The following ITPKB variants were observed in gnomAD, a reference collection of about 807,000 sequenced individuals.
ITPKB encodes the protein inositol-trisphosphate 3-kinase B.
A neutral mutation model predicts 69.4 loss-of-function variants in ITPKB; 13 were observed. That is an observed-to-expected ratio of 0.19 (90% CI 0.12 to 0.30). The LOEUF is 0.30. ITPKB is among the 10% of genes least tolerant of loss of function. The probability of loss-of-function intolerance (pLI) is 1.00; values close to 1 mark genes in which losing one functional copy is unlikely to be tolerated. For synonymous variants in ITPKB, 584 were observed against 513.7 expected (o/e 1.14, Z -1.85); for missense variants, 1,240 against 1,250.5 (o/e 0.99, Z 0.13).
rs1286420489 is a variant in ITPKB at position 226,737,220 on chromosome 1, C to A, written c.239G>T (p.Arg80Leu). 3 of 1,568,052 alleles carry A rather than the reference C, an allele frequency of 1.9e-6. No homozygotes were observed. The highest frequency in any genetic ancestry group is 2.3e-5 in the East Asian group (1 of 42,704). The change falls in exon 2 of 8, where the codon CGC (arginine) becomes CTC (leucine). Residue 80 changes from arginine (R) to leucine (L), a missense_variant. Around this residue, in one of 2 missense-constraint regions of ITPKB, gnomAD observed 992 missense variants for 853.8 expected, o/e 1.16. Transcript: ENST00000429204. ...RSPGGWRSGR[R>L]RLNSSSGSGS... is the part of the protein sequence containing the mutation. ...ACTGCCGCTGCTACTATTCAGCCTGCGCCGGCCGCTCCGCCAGCCCCCGGG... is the reference window on the plus strand; with the variant it reads ...ACTGCCGCTGCTACTATTCAGCCTGAGCCGGCCGCTCCGCCAGCCCCCGGG...
At chr1:226,719,174 G>A (rs1339177736) in intron 2 of ITPKB, among the ~76,000 whole-genome samples, 1 of 152,218 alleles carries the variant, frequency 6.6e-6, no homozygotes, top group Non-Finnish European at 1.5e-5. Context: ...AGCTACTCGG[G>A]AGGCTGAGGC....
chr1:226,728,466 G>A (rs771045430), intron 2 of ITPKB, among the ~76,000 whole-genome samples: 2 of 152,182 alleles, frequency 1.3e-5, no homozygotes, highest in Non-Finnish European at 2.9e-5. Context: ...AAGTCATTCC[G>A]TATCAGACAA....
chr1:226,732,769 G>A (rs1269070289), intron 2 of ITPKB, among the ~76,000 whole-genome samples: 1 of 152,104 alleles, frequency 6.6e-6, no homozygotes, highest in African/African-American at 2.4e-5. Context: ...CTTGCTCAGT[G>A]CAATTTGATT....
chr1:226,668,470 T>C (rs1296154614), intron 2 of ITPKB, among the ~76,000 whole-genome samples: 1 of 152,240 alleles, frequency 6.6e-6, no homozygotes, highest in Non-Finnish European at 1.5e-5. Context: ...ACAGTCATTG[T>C]AAAGACAAAG....
At chr1:226,683,962 G>C (rs1384806662) in intron 2 of ITPKB, among the ~76,000 whole-genome samples, 1 of 152,162 alleles carries the variant, frequency 6.6e-6, no homozygotes, top group Non-Finnish European at 1.5e-5. Context: ...TTAAATTCCA[G>C]TCAAAGAAGG....
chr1:226,664,515 ACT>A (rs1387331694), intron 2 of ITPKB, among the ~76,000 whole-genome samples: 1 of 152,098 alleles, frequency 6.6e-6, no homozygotes, highest in African/African-American at 2.4e-5. Flanking sequence ...AGGACTCCAG[ACT>A]CTCACAATGA....
At chr1:226,692,719 A>G (rs532597701) in intron 2 of ITPKB, among the ~76,000 whole-genome samples, 32 of 152,346 alleles carry the variant, frequency 2.1e-4, no homozygotes, top group Non-Finnish European at 4.3e-4. Context: ...CAAGAATGAG[A>G]GCTGAAGGTA....
intron 2 of ITPKB, among the ~76,000 whole-genome samples, chr1:226,673,672 T>C (rs1669667634): frequency 6.6e-6 from 1 of 151,406 alleles, no homozygotes; most frequent in Non-Finnish European, 1.5e-5. Context: ...GTGTAGATAT[T>C]GCATAGCTAT....
Position 226,639,648 on chromosome 1 carries a change from C to T in ITPKB, c.2462G>A (p.Gly821Asp). 6.2e-7 allele frequency: 1 copy of T among 1,612,722 alleles called. No individual in the cohort carries two copies. The highest frequency in any genetic ancestry group is 8.5e-7 in the Non-Finnish European group (1 of 1,178,688). ...CTTCTTGAAGTCCCGGTTCACGGTGCCGTCTTCTTTCTGAGAAAGAGAACA... is the reference window on the plus strand; with the variant it reads ...CTTCTTGAAGTCCCGGTTCACGGTGTCGTCTTCTTTCTGAGAAAGAGAACA... ...FRIEGIKKEDGTVNRDFKKTK... is the reference protein window; with the variant it reads ...FRIEGIKKEDDTVNRDFKKTK... The change falls in exon 6 of 8, where the codon GGC becomes GAC. Residue 821 changes from glycine (G) to aspartate (D), a missense_variant. Gly to Asp is a moderately conservative substitution (Grantham distance 94). This residue lies in a region of ITPKB where 248 missense variants were observed against 396.7 expected (regional missense o/e 0.63). Transcript: ENST00000429204.
chr1:226,719,775 G>A (rs1308181064), intron 2 of ITPKB, among the ~76,000 whole-genome samples: 3 of 152,162 alleles, frequency 2.0e-5, no homozygotes, highest in South Asian at 2.1e-4. Flanking sequence ...AGAGGCCCAC[G>A]ATGCTCTCTC....
At position 226,735,739 on chromosome 1, in the gene ITPKB, T is replaced by C. The variant is rs746898157; in HGVS notation, c.1720A>G (p.Met574Val). 7 of 1,590,054 alleles carry C rather than the reference T, an allele frequency of 4.4e-6. No individual in the cohort carries two copies. The highest frequency in any genetic ancestry group is 5.2e-6 in the Non-Finnish European group (6 of 1,163,858). The change falls in exon 2 of 8, where the codon ATG becomes GTG. Residue 574 changes from methionine to valine, a missense_variant. Physicochemically the swap from Met to Val is conservative, Grantham distance 21 (BLOSUM62 1). Around this residue, in one of 2 missense-constraint regions of ITPKB, gnomAD observed 992 missense variants for 853.8 expected, o/e 1.16. Coordinates refer to ENST00000429204, the MANE Select transcript of ITPKB (RefSeq NM_002221.4). ...AAGGCCCCATCCTCCTGGGTGCCCA[T>C]GTCTGTAATGATGACAGCAGGTATG... ...SNIPAVIITDMGTQEDGALEE... is the reference protein window; with the variant it reads ...SNIPAVIITDVGTQEDGALEE...
intron 2 of ITPKB, among the ~76,000 whole-genome samples, chr1:226,701,553 G>A (rs1324629275): frequency 1.4e-5 from 2 of 146,490 alleles, no homozygotes; most frequent in Admixed American, 6.8e-5. Context: ...GCAGTGAGCC[G>A]GGATAGCGCC....
intron 2 of ITPKB, among the ~76,000 whole-genome samples, chr1:226,651,467 C>A (rs997260734): frequency 6.6e-6 from 1 of 152,176 alleles, no homozygotes; most frequent in African/African-American, 2.4e-5. Context: ...GGGTCTTTAG[C>A]CCTCTGTGTT....
chr1:226,725,952 ACAAGG>A (rs1279786464), intron 2 of ITPKB, among the ~76,000 whole-genome samples: 1 of 152,198 alleles, frequency 6.6e-6, no homozygotes, highest in Non-Finnish European at 1.5e-5. Flanking sequence ...TTTTCAAGCA[ACAAGG>A]TCAGAATACT....
chr1:226,691,023 C>A (rs886260761), intron 2 of ITPKB, among the ~76,000 whole-genome samples: 1 of 152,074 alleles, frequency 6.6e-6, no homozygotes, highest in African/African-American at 2.4e-5. Context: ...GGCAAATTCA[C>A]AAAGACAGAA....
Position 226,736,130 on chromosome 1 carries a change from C to T in ITPKB, c.1329G>A (p.Val443=), listed in dbSNP as rs377390753. 7.6e-6 allele frequency: 12 copies of T among 1,589,370 alleles called. No homozygotes were observed. The African/African-American group carries it at 1.6e-4, about 21-fold the overall frequency. ...AGCCCAGCGTTGGGGACCCTCCCTC[C>T]ACTCTGTCGGAGAGCTGCCAACGCC... is the stretch of plus-strand genomic sequence containing the variant. ...GGGRWQLSDR[V]EGGSPTLGLL... is the part of the protein sequence containing the mutation. Residue 443 remains valine, a synonymous_variant, in exon 2 of 8, where the codon GTG becomes GTA. Coordinates refer to ENST00000429204, the MANE Select transcript of ITPKB (RefSeq NM_002221.4).
At chr1:226,698,122 G>A (rs1656539589) in intron 2 of ITPKB, among the ~76,000 whole-genome samples, 1 of 152,222 alleles carries the variant, frequency 6.6e-6, no homozygotes, top group African/African-American at 2.4e-5. Context: ...AGGGGCCAAG[G>A]GGAATCACCC....
At chr1:226,711,442 A>AGAGAGTGTGTGTGT (rs1491474441) in intron 2 of ITPKB, among the ~76,000 whole-genome samples, 2 of 102,292 alleles carry the variant, frequency 2.0e-5, no homozygotes, top group African/African-American at 8.2e-5. Context: ...AGAGAGAGAG[A>AGAGAGTGTGTGTGT]GTGTGTGTGT....
In ITPKB at chr1:226,632,503, A is replaced by G. The variant is rs1668747883; in HGVS notation, c.*2168T>C. On this transcript the variant is annotated 3_prime_UTR_variant, in exon 8 of 8. Transcript: ENST00000429204. ...GGTGTAGAAGAGAACTAGCACGGTAAATACAAAAAAAGAGAAAAAAAAAAC... is the reference window on the plus strand; with the variant it reads ...GGTGTAGAAGAGAACTAGCACGGTAGATACAAAAAAAGAGAAAAAAAAAAC... The G allele has an allele frequency of 6.6e-6, 1 of 151,302 alleles. No individual in the cohort carries two copies. The highest frequency in any genetic ancestry group is 1.5e-5 in the Non-Finnish European group (1 of 67,758). The allele number at this position is 151,302 out of a possible 1,614,324, so 9.4% of individuals were successfully genotyped here. A position where few individuals can be genotyped will look rare whatever the true frequency, so the allele number is the denominator to read the frequency against.
Sources: allele counts gnomAD v4.1 joint callset (sites outside exome capture counted in the v4.1 genomes callset), GRCh38; gene constraint gnomAD v4.1.1; regional missense constraint gnomAD v4.1.1; transcripts MANE v1.5; gene names NCBI Gene and HGNC (gene_info 2026-07-23, HGNC 2026-07-21).